Variants in NUS1 observed in about 807,000 individuals in gnomAD.
NUS1 encodes the protein NUS1 dehydrodolichyl diphosphate synthase subunit.
For synonymous variants in NUS1, 135 were observed against 155.2 expected (o/e 0.87, Z 0.97); for missense variants, 292 against 382.9 (o/e 0.76, Z 1.98).
chr6:117,704,773 G>A (rs1395564466), intron 4 of NUS1, among the ~76,000 whole-genome samples: 1 of 152,138 alleles, frequency 6.6e-6, no homozygotes, highest in Non-Finnish European at 1.5e-5. Context: ...AAGCTTAAGT[G>A]ACTAAGTGAT....
intron 1 of NUS1, among the ~76,000 whole-genome samples, chr6:117,684,422 T>C (rs550838838): frequency 6.6e-6 from 1 of 152,344 alleles, no homozygotes; most frequent in East Asian, 1.9e-4. Context: ...TAGTCTCCAT[T>C]GCAGCCATCC....
intron 4 of NUS1, among the ~76,000 whole-genome samples, chr6:117,705,063 A>G (rs1400735785): frequency 6.6e-6 from 1 of 152,138 alleles, no homozygotes; most frequent in Non-Finnish European, 1.5e-5. Flanking sequence ...CAAAGTATGA[A>G]AAAGAGAAGA....
At chr6:117,694,364 G>A (rs1020706649) in intron 3 of NUS1, among the ~76,000 whole-genome samples, 184 bp downstream of exon 3, 14 of 152,076 alleles carry the variant, frequency 9.2e-5, no homozygotes, top group African/African-American at 3.1e-4. Context: ...AAATGGTTTC[G>A]AGACAATGAA....
At chr6:117,695,193 CAAAAAAAAAAAAAAAAAA>C (rs58136219) in intron 3 of NUS1, among the ~76,000 whole-genome samples, 2 of 55,230 alleles carry the variant, frequency 3.6e-5, no homozygotes, top group East Asian at 6.5e-4. Context: ...GACCCTGTCT[CAAAAAAAAAAAAAAAAAA>C]AAAAAAAAAA....
rs1288388432 is a variant in NUS1, at chr6:117,675,794, C to T, written c.124C>T (p.Arg42Cys). ...TWNWIWRRCC[R>C]AASAAVLAPL... ...GAACTGGATCTGGCGGCGCTGCTGC[C>T]GCGCCGCCTCTGCCGCGGTCCTAGC... Residue 42 changes from arginine (R) to cysteine (C), a missense_variant, in exon 1 of 5, where the codon CGC becomes TGC. By Grantham distance (180) the Arg-to-Cys change is radical (BLOSUM62 -3). Transcript: ENST00000368494. 1.3e-6 allele frequency: 2 copies of T among 1,562,898 alleles called. No individual in the cohort carries two copies. The highest frequency in any genetic ancestry group is 2.7e-5 in the African/African-American group (2 of 73,798).
chr6:117,700,657 C>T (rs1335052094), intron 3 of NUS1, among the ~76,000 whole-genome samples: 1 of 152,142 alleles, frequency 6.6e-6, no homozygotes, highest in East Asian at 1.9e-4. Flanking sequence ...ATATGAACTC[C>T]TATGTTTATT....
chr6:117,697,022 G>T (rs1773330018), intron 3 of NUS1, among the ~76,000 whole-genome samples: 1 of 152,030 alleles, frequency 6.6e-6, no homozygotes, highest in East Asian at 1.9e-4. Context: ...GGAGATGAAT[G>T]TAAAGTATAC....
rs1426186717 is a variant in NUS1, at chr6:117,697,479, G to A, written c.691+3299G>A. On this transcript the variant is annotated intron_variant, in intron 3 of 4. Coordinates refer to ENST00000368494, the MANE Select transcript of NUS1 (RefSeq NM_138459.5). ...ATGGAAAAAGATATTTTATGCCAAC[G>A]GAAACCCAAAAAGAGCAGGAGTTAC... Among the ~76,000 whole-genome samples the A allele has an allele frequency of 5.3e-5, 8 of 151,890 alleles. No individual in the cohort carries two copies. In the South Asian group the frequency reaches 1.2e-3, roughly 24 times the overall value.
intron 1 of NUS1, among the ~76,000 whole-genome samples, chr6:117,680,811 T>C (rs1160709584): frequency 1.3e-5 from 2 of 152,250 alleles, no homozygotes; most frequent in African/African-American, 4.8e-5. Flanking sequence ...TTGCCTTCTG[T>C]GTGAGAATTC....
chr6:117,689,652 C>T (rs558969660), intron 1 of NUS1, among the ~76,000 whole-genome samples: 1 of 151,906 alleles, frequency 6.6e-6, no homozygotes, highest in Non-Finnish European at 1.5e-5. Context: ...GCCTTGAACT[C>T]CTGGACTCAA....
chr6:117,694,828 T>C (rs540609485), intron 3 of NUS1, among the ~76,000 whole-genome samples: 34 of 152,304 alleles, frequency 2.2e-4, no homozygotes, highest in African/African-American at 7.9e-4. Flanking sequence ...TGTTCATTAA[T>C]AGCTTCTATA....
rs1772955182 is a variant in NUS1 at position 117,675,522 on chromosome 6, G to A, written c.-149G>A. ...AGGAGGAAGATGGCGGCGGGGGCGA[G>A]GTGAGGTGTTGGCAGTGGAAAGGGG... is the stretch of plus-strand genomic sequence containing the variant. On this transcript the variant is annotated 5_prime_UTR_variant, in exon 1 of 5. Coordinates refer to ENST00000368494, the MANE Select transcript of NUS1 (RefSeq NM_138459.5). 6.9e-6 allele frequency: 5 copies of A among 724,854 alleles called. No homozygotes were observed. The highest frequency in any genetic ancestry group is 5.3e-5 in the South Asian group (3 of 56,272). 44.9% of individuals were successfully genotyped at this position (724,854 alleles called of 1,614,324 possible).
At chr6:117,693,836 T>C (rs1451796609) in intron 2 of NUS1, among the ~76,000 whole-genome samples, 195 bp from the exon 3 acceptor site, 3 of 152,178 alleles carry the variant, frequency 2.0e-5, no homozygotes, top group Non-Finnish European at 4.4e-5. Context: ...ATGGATGTGA[T>C]TTGGGATATA....
At chr6:117,697,677 AAGAAAG>A (rs1279798397) in intron 3 of NUS1, among the ~76,000 whole-genome samples, 1 of 151,482 alleles carries the variant, frequency 6.6e-6, no homozygotes, top group East Asian at 1.9e-4. Context: ...AATAGAGCTA[AAGAAAG>A]AGAGAGAGAG....
chr6:117,680,598 G>A (rs1773046785), intron 1 of NUS1, among the ~76,000 whole-genome samples: 1 of 152,180 alleles, frequency 6.6e-6, no homozygotes, highest in South Asian at 2.1e-4. Flanking sequence ...AGGGAACTGG[G>A]ACCTGGGCGT....
At chr6:117,683,222 A>G (rs1250887594) in intron 1 of NUS1, among the ~76,000 whole-genome samples, 2 of 152,200 alleles carry the variant, frequency 1.3e-5, no homozygotes, top group Non-Finnish European at 2.9e-5. Flanking sequence ...ATTTTGTTAT[A>G]TACTTTGTCA....
Position 117,693,023 on chromosome 6 carries a change from G to A in NUS1, c.416-19G>A. 6.3e-7 allele frequency: 1 copy of A among 1,588,968 alleles called. No homozygotes were observed. Among genetic ancestry groups the A allele is most frequent in the Non-Finnish European group, 8.6e-7 (1 of 1,159,538 alleles). On this transcript the variant is annotated intron_variant, in intron 1 of 4. Coordinates refer to ENST00000368494, the MANE Select transcript of NUS1 (RefSeq NM_138459.5). The stretch of plus-strand genomic sequence containing the variant: ...AAATTAACCTAGTTGTGTTTTACTT[G>A]CCTTTTTCTTTTTTAAAGGTATTTT...
intron 1 of NUS1, among the ~76,000 whole-genome samples, chr6:117,690,394 G>A (rs972245875): frequency 1.3e-5 from 2 of 152,106 alleles, no homozygotes; most frequent in African/African-American, 4.8e-5. Context: ...GCTGTCCCAC[G>A]TTAAGGAGGC....
chr6:117,684,658 G>A (rs952029480), intron 1 of NUS1, among the ~76,000 whole-genome samples: 6 of 151,994 alleles, frequency 3.9e-5, no homozygotes, highest in African/African-American at 1.5e-4. Context: ...TTCATGTTAC[G>A]GCCACTGCTG....
Sources: allele counts gnomAD v4.1 joint callset (sites outside exome capture counted in the v4.1 genomes callset), GRCh38; gene constraint gnomAD v4.1.1; transcripts MANE v1.5; gene names NCBI Gene and HGNC (gene_info 2026-07-23, HGNC 2026-07-21).